EEIG1: variants seen among roughly 807,000 people sequenced by gnomAD.
EEIG1 encodes early estrogen-induced gene 1 protein.
the EEIG1 span, among the ~76,000 whole-genome samples, chr9:127,969,527 C>T: frequency 6.6e-6 from 1 of 152,114 alleles, no homozygotes; most frequent in Admixed American, 6.5e-5. Flanking sequence ...CCCATTTCAC[C>T]CAAGCATCAA....
chr9:127,956,255 A>G, the EEIG1 span, among the ~76,000 whole-genome samples: 1 of 152,332 alleles, frequency 6.6e-6, no homozygotes, highest in East Asian at 1.9e-4. Flanking sequence ...CCACAGCAGT[A>G]ACCAGCTTAC....
At chr9:127,965,937 A>G in the EEIG1 span, among the ~76,000 whole-genome samples, 29 of 152,334 alleles carry the variant, frequency 1.9e-4, no homozygotes, top group African/African-American at 6.7e-4. Flanking sequence ...GGAGGCAGCA[A>G]GAAGTTTCTG....
At chr9:127,980,052 C>T in the EEIG1 span, 1 of 1,613,810 alleles carries the variant, frequency 6.2e-7, no homozygotes. Flanking sequence ...GAAGAGGACC[C>T]CGTTCACGAA....
chr9:127,950,382 T>C, the EEIG1 span: 2 of 1,600,270 alleles, frequency 1.2e-6, no homozygotes, highest in Non-Finnish European at 1.7e-6. Context: ...TTTGTCCCCA[T>C]CCCGTGGTCA....
chr9:127,979,596 G>A, the EEIG1 span, among the ~76,000 whole-genome samples: 1 of 152,218 alleles, frequency 6.6e-6, no homozygotes, highest in Non-Finnish European at 1.5e-5. Flanking sequence ...GGGGTGCCGG[G>A]GAACCCGTGG....
the EEIG1 span, chr9:127,944,463 T>C: frequency 4.6e-6 from 3 of 646,782 alleles, no homozygotes; most frequent in Non-Finnish European, 8.3e-6. Flanking sequence ...GCCTGACAGA[T>C]GGGGAAAGGG....
the EEIG1 span, among the ~76,000 whole-genome samples, chr9:127,973,291 A>G: frequency 3.3e-5 from 5 of 152,204 alleles, no homozygotes; most frequent in African/African-American, 7.2e-5. The surrounding 1 kb of genome is among the most constrained non-coding windows in gnomAD (Gnocchi z 4.2). Context: ...GGGCCTCCCA[A>G]ATGCAAGTCA....
At chr9:127,952,454 G>A in the EEIG1 span, among the ~76,000 whole-genome samples, 2 of 152,388 alleles carry the variant, frequency 1.3e-5, no homozygotes, top group African/African-American at 4.8e-5. Context: ...GGAAGGCAGA[G>A]CAGGCTTATT....
At chr9:127,948,341 G>C in the EEIG1 span, 3 of 1,613,784 alleles carry the variant, frequency 1.9e-6, no homozygotes, top group Non-Finnish European at 2.5e-6. Flanking sequence ...GCTCCCATCC[G>C]CTCCCTAGGC....
At chr9:127,958,483 A>G in the EEIG1 span, among the ~76,000 whole-genome samples, 2 of 152,146 alleles carry the variant, frequency 1.3e-5, no homozygotes, top group East Asian at 3.9e-4. Context: ...TGGGCAACAC[A>G]ACAAGACCCC....
the EEIG1 span, among the ~76,000 whole-genome samples, chr9:127,969,450 T>C: frequency 1.3e-5 from 2 of 152,320 alleles, no homozygotes; most frequent in South Asian, 4.1e-4. Context: ...TGAATACCAA[T>C]GCTGCCAGCC....
chr9:127,960,979 T>TAA, the EEIG1 span, among the ~76,000 whole-genome samples: 3 of 129,322 alleles, frequency 2.3e-5, no homozygotes, highest in East Asian at 4.1e-4. Flanking sequence ...ACAGCAAGGG[T>TAA]AAAAAAAAAA....
At chr9:127,941,245 T>C in the EEIG1 span, 2 of 152,262 alleles carry the variant, frequency 1.3e-5, no homozygotes, top group Middle Eastern at 3.2e-3. Flanking sequence ...GTTCCTGGTC[T>C]GGAGGAGTCT....
the EEIG1 span, among the ~76,000 whole-genome samples, chr9:127,979,404 C>T: frequency 6.6e-6 from 1 of 152,386 alleles, no homozygotes; most frequent in South Asian, 2.1e-4. Flanking sequence ...CAAAACCAAA[C>T]TCAACGGAGC....
At chr9:127,945,688 G>A in the EEIG1 span, 5 of 1,594,370 alleles carry the variant, frequency 3.1e-6, no homozygotes, top group East Asian at 4.6e-5. The surrounding 1 kb of genome is among the most constrained non-coding windows in gnomAD (Gnocchi z 6.5). Flanking sequence ...CTGGAGTTGC[G>A]GGAGTGGCCA....
the EEIG1 span, among the ~76,000 whole-genome samples, chr9:127,947,263 CAAAAAA>C: frequency 1.4e-3 from 137 of 94,610 alleles, no homozygotes; most frequent in African/African-American, 5.4e-3. Flanking sequence ...ACTAAAAATA[CAAAAAA>C]AAAAAAAAAA....
the EEIG1 span, chr9:127,980,555 T>G: frequency 0.82 from 123,450 of 150,966 alleles, 51,018 homozygotes; most frequent in Non-Finnish European, 0.88. Flanking sequence ...GCGGGCTGGC[T>G]GGCCGGTAAG....
chr9:127,979,161 T>G, the EEIG1 span, among the ~76,000 whole-genome samples: 1 of 152,164 alleles, frequency 6.6e-6, no homozygotes, highest in South Asian at 2.1e-4. Context: ...TGCCCTAAGT[T>G]CTCGCTGCTG....
chr9:127,969,637 A>C, the EEIG1 span, among the ~76,000 whole-genome samples: 1 of 152,108 alleles, frequency 6.6e-6, no homozygotes, highest in African/African-American at 2.4e-5. Flanking sequence ...ATGAACAGCC[A>C]AGCCCCACAG....
Sources: allele counts gnomAD v4.1 joint callset (sites outside exome capture counted in the v4.1 genomes callset), GRCh38; gene constraint gnomAD v4.1.1; non-coding constraint Gnocchi (gnomAD v3.1); transcripts MANE v1.5; gene names NCBI Gene and HGNC (gene_info 2026-07-23, HGNC 2026-07-21).